NF2: variants seen among roughly 807,000 people sequenced by gnomAD.
NF2 encodes merlin.
Under a neutral mutation model 83.7 loss-of-function variants are expected in NF2, and 8 were observed. That is an observed-to-expected ratio of 0.10 (90% confidence interval 0.06 to 0.17). The LOEUF is 0.17. NF2 is among the 10% of genes least tolerant of loss of function. The pLI is 1.00. For synonymous variants in NF2, 266 were observed against 269.6 expected (o/e 0.99, Z 0.13); for missense variants, 533 against 744.4 (o/e 0.72, Z 3.31).
At chr22:29,671,565 G>C (rs1569304283) in intron 10 of NF2, among the ~76,000 whole-genome samples, 1 of 152,040 alleles carries the variant, frequency 6.6e-6, no homozygotes, top group African/African-American at 2.4e-5. Context: ...TTCTATCCGG[G>C]TCAAGACTCA....
intron 1 of NF2, among the ~76,000 whole-genome samples, chr22:29,616,656 C>T (rs902376904): frequency 6.6e-6 from 1 of 151,478 alleles, no homozygotes; most frequent in African/African-American, 2.4e-5. Context: ...GCAGGAGAAT[C>T]ACTTGAACCT....
intron 15 of NF2, among the ~76,000 whole-genome samples, chr22:29,682,239 T>C (rs2067157003): frequency 6.6e-6 from 1 of 152,090 alleles, no homozygotes; most frequent in South Asian, 2.1e-4. Flanking sequence ...AAGGGTCCTC[T>C]CATACCAAAT....
intron 1 of NF2, among the ~76,000 whole-genome samples, chr22:29,615,134 A>C (rs1041856714): frequency 6.6e-6 from 1 of 152,178 alleles, no homozygotes; most frequent in African/African-American, 2.4e-5. Flanking sequence ...CAGTGAGCTC[A>C]GATTGTGCTA....
rs1601644296 is a variant in NF2 at position 29,671,918 on chromosome 22, A to T, written c.1092A>T (p.Lys364Asn). Reference protein sequence around the residue: ...DELERRLLQMKEEATMANEAL... With the variant: ...DELERRLLQMNEEATMANEAL... Reference sequence around the variant, plus strand: ...TGGAGAGGAGGCTGCTGCAGATGAAAGAAGAAGCAACAATGGCCAACGAAG... The same window carrying T: ...TGGAGAGGAGGCTGCTGCAGATGAATGAAGAAGCAACAATGGCCAACGAAG... The change falls in exon 11 of 16, where the codon AAA (lysine) becomes AAT (asparagine). Residue 364 changes from lysine (K) to asparagine (N), a missense_variant. Around this residue, in one of 3 missense-constraint regions of NF2, gnomAD observed 326 missense variants for 475.1 expected, o/e 0.69. Transcript: ENST00000338641. 1.9e-6 allele frequency: 3 copies of T among 1,614,220 alleles called. No individual in the cohort carries two copies. Among genetic ancestry groups the T allele is most frequent in the Non-Finnish European group, 2.5e-6 (3 of 1,180,042 alleles).
chr22:29,683,263 C>T, intron 15 of NF2: 1 of 1,496,374 alleles, frequency 6.7e-7, no homozygotes, highest in South Asian at 1.3e-5. Flanking sequence ...CCTCCAGGGC[C>T]CCAGAAGACT....
chr22:29,610,775 TCAA>T (rs1047116485), intron 1 of NF2, among the ~76,000 whole-genome samples: 3 of 152,080 alleles, frequency 2.0e-5, no homozygotes, highest in Non-Finnish European at 4.4e-5. Context: ...CACAAAGTCT[TCAA>T]AAATGAAAAA....
intron 1 of NF2, among the ~76,000 whole-genome samples, chr22:29,612,630 C>A (rs1288594373): frequency 6.6e-6 from 1 of 151,776 alleles, no homozygotes; most frequent in Non-Finnish European, 1.5e-5. Context: ...AGCCACCGTG[C>A]CTGGCCTGTA....
chr22:29,621,387 T>C (rs1477882148), intron 1 of NF2, among the ~76,000 whole-genome samples: 1 of 152,244 alleles, frequency 6.6e-6, no homozygotes, highest in Non-Finnish European at 1.5e-5. Context: ...GAATTAAATT[T>C]GAGTAATTAC....
intron 15 of NF2, among the ~76,000 whole-genome samples, chr22:29,690,370 T>A (rs1438693839): frequency 1.3e-5 from 2 of 152,164 alleles, no homozygotes; most frequent in Non-Finnish European, 2.9e-5. Context: ...TTGGGGAGCG[T>A]AAGGAGGCCC....
chr22:29,631,551 A>C (rs1443244634), intron 1 of NF2, among the ~76,000 whole-genome samples: 2 of 152,296 alleles, frequency 1.3e-5, no homozygotes, highest in Middle Eastern at 3.4e-3. Flanking sequence ...GATGCTCAAT[A>C]AAGGTTTGTC....
At chr22:29,658,083 C>A in intron 6 of NF2, 106 bp from the exon 7 acceptor site, 1 of 985,422 alleles carries the variant, frequency 1.0e-6, no homozygotes, top group Non-Finnish European at 1.6e-6. Context: ...CTGGCAGCGA[C>A]GTGGCTCTAG....
In NF2 at chr22:29,609,261, G is replaced by A. The variant is rs560454826; in HGVS notation, c.114+5149G>A. ...GTTATGACAGTGGAACCAGGGTTTG[G>A]AGGGCATAAATTCATGGAAGATATG... On this transcript the variant is annotated intron_variant, in intron 1 of 15. Transcript: ENST00000338641. The A allele has an allele frequency of 8.1e-4, 583 of 717,244 alleles. 1 individual carries two copies. Among genetic ancestry groups the A allele is most frequent in the South Asian group, 3.5e-3 (260 of 73,820 alleles). The allele number at this position is 717,244 out of a possible 1,614,324, so 44.4% of individuals were successfully genotyped here.
At chr22:29,686,782 T>C (rs1441108545) in intron 15 of NF2, among the ~76,000 whole-genome samples, 4 of 152,258 alleles carry the variant, frequency 2.6e-5, no homozygotes, top group African/African-American at 9.6e-5. Context: ...TCAGTACAAC[T>C]AGTTTGCCAT....
Position 29,603,652 on chromosome 22 carries a change from G to T in NF2, c.-347G>T. ...GGCCCCGTGACCCTAGTCGGCCGCT[G>T]AGAGGCGCGCGGAGTCTGGGCCGCT... On this transcript the variant is annotated 5_prime_UTR_variant, in exon 1 of 16. Transcript: ENST00000338641. 1 of 408,790 alleles carries T rather than the reference G, an allele frequency of 2.4e-6. No homozygotes were observed. The highest frequency in any genetic ancestry group is 4.3e-6 in the Non-Finnish European group (1 of 232,378). 25.3% of individuals were successfully genotyped at this position (408,790 alleles called of 1,614,324 possible). A position where few individuals can be genotyped will look rare whatever the true frequency, so the allele number is the denominator to read the frequency against.
At chr22:29,647,677 C>G (rs1271827196) in intron 4 of NF2, among the ~76,000 whole-genome samples, 1 of 151,922 alleles carries the variant, frequency 6.6e-6, no homozygotes, top group East Asian at 1.9e-4. Context: ...TTTTTCATAT[C>G]CTTTTACAGA....
chr22:29,645,502 A>C (rs562469815), intron 4 of NF2, among the ~76,000 whole-genome samples: 1 of 152,358 alleles, frequency 6.6e-6, no homozygotes, highest in African/African-American at 2.4e-5. Context: ...TGCTTTGATC[A>C]AGAATATTAG....
intron 15 of NF2, chr22:29,683,089 ATG>A: frequency 6.2e-7 from 1 of 1,614,160 alleles, no homozygotes; most frequent in Non-Finnish European, 8.5e-7. Flanking sequence ...GGTACTCTCT[ATG>A]TGGTGATGGT....
intron 15 of NF2, among the ~76,000 whole-genome samples, chr22:29,684,754 A>G (rs2067231355): frequency 6.6e-6 from 1 of 152,142 alleles, no homozygotes; most frequent in South Asian, 2.1e-4. Context: ...GTTTAATGGG[A>G]CAGGCATTCT....
intron 15 of NF2, among the ~76,000 whole-genome samples, chr22:29,688,399 G>A (rs948744747): frequency 6.6e-6 from 1 of 152,250 alleles, no homozygotes; most frequent in African/African-American, 2.4e-5. Context: ...CTGCGAGCCC[G>A]AGGTTCTGTT....
Sources: gnomAD v4.1 joint callset for allele counts (sites outside exome capture counted in the v4.1 genomes callset) on GRCh38, gnomAD v4.1.1 for gene constraint, gnomAD v4.1.1 regional missense constraint, MANE v1.5 for transcripts, NCBI Gene and HGNC (gene_info 2026-07-23, HGNC 2026-07-21) for gene names.